PCDH11X: variants seen among roughly 807,000 people sequenced by gnomAD.
PCDH11X encodes protocadherin-11 X-linked.
A neutral mutation model predicts 53.3 loss-of-function variants in PCDH11X; 18 were observed. The ratio of observed to expected loss-of-function variants is 0.34; its 90% CI spans 0.23 to 0.50. PCDH11X has a LOEUF of 0.50. Ranked by LOEUF, PCDH11X falls within the 20% of genes least tolerant of loss-of-function variation. The probability of loss-of-function intolerance (pLI) is 0.98; values close to 1 mark genes in which losing one functional copy is unlikely to be tolerated. For missense variants in PCDH11X, 570 were observed against 1,032.4 expected, an observed-to-expected ratio of 0.55 and a Z score of 6.14; for synonymous variants, 279 against 393.3, an observed-to-expected ratio of 0.71 and a Z score of 3.44.
At chrX:92,086,150 C>G (rs2063946594) in intron 6 of PCDH11X, among the ~76,000 whole-genome samples, 1 of 111,372 alleles carries the variant, frequency 9.0e-6, no homozygotes, top group Non-Finnish European at 1.9e-5. Flanking sequence ...TTGAAAACCC[C>G]TCTTTTATAC....
chrX:92,399,444 C>G (rs2071334096), intron 9 of PCDH11X, among the ~76,000 whole-genome samples: 1 of 110,600 alleles, frequency 9.0e-6, no homozygotes, highest in Admixed American at 9.7e-5. Flanking sequence ...GAGAGCAGAG[C>G]AGCAATTGGC....
At chrX:92,381,857 A>G (rs2070881248) in intron 8 of PCDH11X, among the ~76,000 whole-genome samples, 1 of 111,418 alleles carries the variant, frequency 9.0e-6, no homozygotes, top group Admixed American at 9.6e-5. Context: ...TCAAATAACA[A>G]CTAGAAAAAC....
chrX:92,533,880 C>T (rs1213653016), intron 10 of PCDH11X, among the ~76,000 whole-genome samples: 1 of 107,323 alleles, frequency 9.3e-6, no homozygotes, highest in East Asian at 3.0e-4. Context: ...ACATCCACAC[C>T]AAAACCCCAT....
chrX:92,333,305 A>T (rs1331382269), intron 8 of PCDH11X, among the ~76,000 whole-genome samples: 2 of 111,061 alleles, frequency 1.8e-5, no homozygotes, highest in Non-Finnish European at 3.8e-5. Context: ...AATGTCTTGC[A>T]TGAGAAGATA....
intron 10 of PCDH11X, among the ~76,000 whole-genome samples, chrX:92,555,958 A>C (rs373671651): frequency 7.3e-5 from 8 of 109,229 alleles, no homozygotes; most frequent in African/African-American, 2.6e-4. Context: ...ATTATGGCAG[A>C]AGCCAAAGCA....
At chrX:91,953,075 G>T (rs1413411308) in intron 6 of PCDH11X, among the ~76,000 whole-genome samples, 1 of 110,495 alleles carries the variant, frequency 9.1e-6, no homozygotes, top group East Asian at 2.9e-4. Context: ...TGTGAGGGAG[G>T]TGGGGGTGGT....
intron 8 of PCDH11X, among the ~76,000 whole-genome samples, chrX:92,318,474 C>CT (rs958820499): frequency 4.5e-5 from 5 of 109,909 alleles, no homozygotes; most frequent in Admixed American, 9.7e-5. Context: ...AAAGCTCAGA[C>CT]TTTTTTTTTG....
chrX:91,912,003 TTTAAA>T (rs1941387575), intron 6 of PCDH11X, among the ~76,000 whole-genome samples: 1 of 111,757 alleles, frequency 8.9e-6, no homozygotes, highest in Admixed American at 9.5e-5. Flanking sequence ...CTTTAACTTC[TTTAAA>T]TTAATTCATT....
At chrX:91,970,269 C>A (rs2061937683) in intron 6 of PCDH11X, among the ~76,000 whole-genome samples, 1 of 111,326 alleles carries the variant, frequency 9.0e-6, no homozygotes, top group African/African-American at 3.3e-5. Context: ...GAGCGGGTTG[C>A]CACTTCTGGC....
At chrX:92,202,749 C>T (rs1458182451) in intron 7 of PCDH11X, among the ~76,000 whole-genome samples, 4 of 111,804 alleles carry the variant, frequency 3.6e-5, no homozygotes, top group Admixed American at 9.5e-5. Context: ...TGGCTGGGTG[C>T]GGTGGCTCAC....
chrX:92,576,428 A>ACTTG (rs1006895610), intron 10 of PCDH11X, among the ~76,000 whole-genome samples: 2 of 92,839 alleles, frequency 2.2e-5, no homozygotes, highest in Non-Finnish European at 4.3e-5. Context: ...ATAAGTAAAG[A>ACTTG]CTTGCTCCTG....
intron 9 of PCDH11X, among the ~76,000 whole-genome samples, chrX:92,407,268 C>T (rs1445548421): frequency 2.7e-5 from 3 of 111,573 alleles, no homozygotes. Flanking sequence ...GTTTACAATA[C>T]TTGACCATAA....
intron 6 of PCDH11X, among the ~76,000 whole-genome samples, chrX:92,014,755 A>C (rs2062760374): frequency 1.8e-5 from 2 of 111,692 alleles, no homozygotes; most frequent in African/African-American, 6.5e-5. Context: ...TGAAGCTGGA[A>C]ACCATCAATC....
At chrX:92,179,312 T>G (rs1167473403) in intron 6 of PCDH11X, among the ~76,000 whole-genome samples, 3 of 112,477 alleles carry the variant, frequency 2.7e-5, no homozygotes, top group Non-Finnish European at 3.8e-5. Context: ...GCATCAGGTT[T>G]AATTTTCTAA....
At chrX:92,086,399 C>G (rs1394504790) in intron 6 of PCDH11X, among the ~76,000 whole-genome samples, 1 of 111,162 alleles carries the variant, frequency 9.0e-6, no homozygotes, top group Non-Finnish European at 1.9e-5. Context: ...ACAGTTAAAT[C>G]CAGAACATTG....
intron 6 of PCDH11X, among the ~76,000 whole-genome samples, chrX:92,038,865 G>A (rs1602733725): frequency 9.1e-6 from 1 of 109,856 alleles, no homozygotes; most frequent in East Asian, 2.9e-4. Context: ...CTTGTCTGCT[G>A]CCATGTGAGA....
chrX:92,585,378 T>C (rs1396384958), intron 10 of PCDH11X, among the ~76,000 whole-genome samples: 1 of 105,790 alleles, frequency 9.5e-6, no homozygotes, highest in African/African-American at 3.5e-5. Context: ...TTTTTCTTTT[T>C]TTTTTTTTTT....
At position 91,836,056 on chromosome X, in the gene PCDH11X, A is replaced by T. The variant is rs755569608; in HGVS notation, c.540+12A>T. On this transcript the variant is annotated intron_variant, in intron 5 of 10. Transcript: ENST00000682573. ...ACGAACTAATTAAGGTGCGTTTTAA[A>T]ATCACTTTGTTAAAGATATCATCTC... 8.3e-7 allele frequency: 1 copy of T among 1,206,847 alleles called. No homozygotes were observed. The highest frequency in any genetic ancestry group is 2.2e-5 in the Admixed American group (1 of 45,315).
chrX:91,934,058 G>A (rs1413979191), intron 6 of PCDH11X, among the ~76,000 whole-genome samples: 1 of 111,489 alleles, frequency 9.0e-6, no homozygotes, highest in Non-Finnish European at 1.9e-5. Flanking sequence ...TGTTAATTAG[G>A]ACAATAATAA....
Sources: allele counts gnomAD v4.1 joint callset (sites outside exome capture counted in the v4.1 genomes callset), GRCh38; gene constraint gnomAD v4.1.1; transcripts MANE v1.5; gene names NCBI Gene and HGNC (gene_info 2026-07-23, HGNC 2026-07-21).